Variants in PER1 observed in about 807,000 individuals in gnomAD.
PER1 encodes period circadian regulator 1.
Under a neutral mutation model 125.9 loss-of-function variants are expected in PER1, and 87 were observed. The observed-to-expected ratio is 0.69, with a 90% confidence interval of 0.58 to 0.83. The LOEUF (loss-of-function observed/expected upper bound fraction) is 0.83. Ranked by LOEUF, PER1 falls within the 40% of genes least tolerant of loss-of-function variation. The pLI, the probability that PER1 is intolerant of heterozygous loss-of-function variation, is 0.00. For synonymous variants in PER1, 801 were observed against 714.7 expected (o/e 1.12, Z -1.93); for missense variants, 1,775 against 1,722.8 (o/e 1.03, Z -0.54).
In PER1 at chr17:8,144,774, G is replaced by C; in HGVS notation, c.2438C>G (p.Ala813Gly). The change falls in exon 18 of 23, where the codon GCT becomes GGT. Residue 813 changes from alanine to glycine, a missense_variant. Coordinates refer to ENST00000317276, the MANE Select transcript of PER1 (RefSeq NM_002616.3). The part of the protein sequence containing the change: ...RLRGLDSSST[A>G]PSALGERGCH... ...ACCTCGCTCGCCAAGGGCTGAGGGA[G>C]CTGTGGAAGAGCTGTCGAGTCCACG... 1 of 1,579,484 alleles carries C rather than the reference G, an allele frequency of 6.3e-7. No individual in the cohort carries two copies. Among genetic ancestry groups the C allele is most frequent in the Non-Finnish European group, 8.6e-7 (1 of 1,163,586 alleles).
At chr17:8,151,576 C>T (rs1365458996) in intron 1 of PER1, among the ~76,000 whole-genome samples, 1 of 152,166 alleles carries the variant, frequency 6.6e-6, no homozygotes, top group African/African-American at 2.4e-5. Flanking sequence ...CCACTGCCCT[C>T]GGCGCAAAAG....
rs771848468 is a variant in PER1 at position 8,142,778 on chromosome 17, C to T, written c.3130G>A (p.Glu1044Lys). The T allele has an allele frequency of 9.3e-6, 15 of 1,613,246 alleles. No homozygotes were observed. The highest frequency in any genetic ancestry group is 1.0e-5 in the Non-Finnish European group (12 of 1,179,954). The change falls in exon 20 of 23, where the codon GAA (glutamate) becomes AAA (lysine). Residue 1044 changes from glutamate to lysine, a missense_variant. Glu to Lys is a moderately conservative substitution (Grantham distance 56, BLOSUM62 1). Transcript: ENST00000317276. The part of the protein sequence containing the change: ...DALSGSSDLL[E>K]LLLQEDSRSG... The stretch of plus-strand genomic sequence containing the variant: ...CGCGAGTCCTCTTGCAGCAGAAGTT[C>T]GAGCAGGTCACTGGAGCCGGAAAGT...
Position 8,148,247 on chromosome 17 carries a change from G to T in PER1, c.1061C>A (p.Pro354His). 1 of 1,613,964 alleles carries T rather than the reference G, an allele frequency of 6.2e-7. No individual in the cohort carries two copies. The highest frequency in any genetic ancestry group is 1.1e-5 in the South Asian group (1 of 91,076). Residue 354 changes from proline to histidine, a missense_variant, in exon 9 of 23, where the codon CCC (proline) becomes CAC (histidine). Coordinates refer to ENST00000317276, the MANE Select transcript of PER1 (RefSeq NM_002616.3). ...CGTAGTGAAAATCCTCTTGTCAGGG[G>T]GTATCCGGGGAGCTGAGGCACAGAG... ...IHSGYEAPRI[P>H]PDKRIFTTRH...
At chr17:8,145,089 T>C (rs762113371) in intron 17 of PER1, 96 bp from the exon 18 acceptor site, 2 of 1,281,166 alleles carry the variant, frequency 1.6e-6, no homozygotes, top group South Asian at 4.9e-5. Flanking sequence ...AGCCAACCCC[T>C]GGCAGCTCTG....
chr17:8,146,458 C>T lies in PER1; in HGVS notation c.1952G>A (p.Cys651Tyr), dbSNP rs1052043600. 1 of 1,613,802 alleles carries T rather than the reference C, an allele frequency of 6.2e-7. No homozygotes were observed. Among genetic ancestry groups the T allele is most frequent in the Non-Finnish European group, 8.5e-7 (1 of 1,179,938 alleles). The change falls in exon 16 of 23, where the codon TGT (cysteine) becomes TAT (tyrosine). Residue 651 changes from cysteine to tyrosine, a missense_variant. Cys to Tyr is a radical substitution (Grantham distance 194, BLOSUM62 -2). Coordinates refer to ENST00000317276, the MANE Select transcript of PER1 (RefSeq NM_002616.3). ...CNLPSTTKRK[C>Y]ASSSSYTTSS... is the part of the protein sequence containing the mutation. ...GGTGGTATAGGAGGAGGAGGAGGCA[C>T]ATTTACGCTTAGTGGTGCTGGGGAG... is the stretch of plus-strand genomic sequence containing the variant.
In PER1 at chr17:8,148,802, G is replaced by A. The variant is rs751159710; in HGVS notation, c.906-16C>T. 1.9e-6 allele frequency: 3 copies of A among 1,611,804 alleles called. No individual in the cohort carries two copies. The highest frequency in any genetic ancestry group is 1.7e-6 in the Non-Finnish European group (2 of 1,179,306). Reference sequence around the variant, plus strand: ...AGGACCTCCTCTAGCAAAGGAGAGAGGAGCATTAGGGACTTTCAACAGAGA... The same window carrying A: ...AGGACCTCCTCTAGCAAAGGAGAGAAGAGCATTAGGGACTTTCAACAGAGA... On this transcript the variant is annotated splice_polypyrimidine_tract_variant and intron_variant, in intron 7 of 22. Coordinates refer to ENST00000317276, the MANE Select transcript of PER1 (RefSeq NM_002616.3).
At chr17:8,149,137 C>A (rs940116666) in intron 7 of PER1, 122 bp downstream of exon 7, 10 of 894,864 alleles carry the variant, frequency 1.1e-5, no homozygotes, top group Non-Finnish European at 1.8e-5. Flanking sequence ...TGCAGTGAGC[C>A]GAGATCGTGC....
chr17:8,149,426 C>G (rs1005796993), intron 6 of PER1, 36 bp downstream of exon 6: 11 of 1,606,914 alleles, frequency 6.8e-6, no homozygotes, highest in Non-Finnish European at 9.4e-6. Flanking sequence ...TTTCCTGGGA[C>G]TGCTCATGCC....
intron 19 of PER1, 48 bp downstream of exon 19, chr17:8,143,218 C>A: frequency 9.2e-7 from 1 of 1,084,368 alleles, no homozygotes; most frequent in East Asian, 4.3e-5. Flanking sequence ...GGCAGAGGGG[C>A]GGGGCTGGGG....
chr17:8,142,167 G>C (rs1314576406), intron 21 of PER1, 102 bp downstream of exon 21: 2 of 1,134,932 alleles, frequency 1.8e-6, no homozygotes, highest in Non-Finnish European at 2.5e-6. Flanking sequence ...AAGAAAGATA[G>C]AAACGTTTAT....
rs201721170 is a variant in PER1 at position 8,146,418 on chromosome 17, G to A, written c.1992C>T (p.Asp664=). ...CTGGACCTGTCCTCTGCCTGTCGTC[G>A]TCAGAGGCTGAGGAGGTGGTATAGG... ...SSSYTTSSAS[D]DDRQRTGPVS... is the part of the protein sequence containing the mutation. The change falls in exon 16 of 23, where the codon GAC becomes GAT. Residue 664 remains aspartate (D), a synonymous_variant. Coordinates refer to ENST00000317276, the MANE Select transcript of PER1 (RefSeq NM_002616.3). 85 of 1,613,602 alleles carry A rather than the reference G, an allele frequency of 5.3e-5. No individual in the cohort carries two copies. In the East Asian group the frequency reaches 1.2e-3, roughly 22 times the overall value.
In PER1 at chr17:8,140,915, A is replaced by G; in HGVS notation, c.*153T>C. On this transcript the variant is annotated 3_prime_UTR_variant, in exon 23 of 23. Coordinates refer to ENST00000317276, the MANE Select transcript of PER1 (RefSeq NM_002616.3). ...CTAAGAGGCCAGAGGCAGCCCCTGG[A>G]TCCTAGGCTGGTGATGGGGGTCCGG... is the stretch of plus-strand genomic sequence containing the variant. The G allele has an allele frequency of 1.2e-6, 1 of 853,046 alleles. No individual in the cohort carries two copies. The highest frequency in any genetic ancestry group is 1.8e-6 in the Non-Finnish European group (1 of 546,732). The allele number at this position is 853,046 out of a possible 1,614,324, so 52.8% of individuals were successfully genotyped here. A position where few individuals can be genotyped will look rare whatever the true frequency, so the allele number is the denominator to read the frequency against.
intron 7 of PER1, chr17:8,149,053 G>GTGGC: frequency 3.2e-6 from 2 of 615,766 alleles, no homozygotes; most frequent in Non-Finnish European, 2.8e-6. Flanking sequence ...GCTGGGCGTG[G>GTGGC]TGGCGCATGC....
At chr17:8,146,536 G>A (rs377727334) in intron 15 of PER1, 34 bp from the exon 16 acceptor site, 13 of 1,605,238 alleles carry the variant, frequency 8.1e-6, no homozygotes, top group African/African-American at 6.7e-5. Flanking sequence ...CATCAGAGCA[G>A]GGCTTGGGGT....
chr17:8,147,064 G>A (rs915122790), intron 13 of PER1, 62 bp from the exon 14 acceptor site: 6 of 1,479,890 alleles, frequency 4.1e-6, no homozygotes, highest in South Asian at 3.5e-5. Flanking sequence ...AGGGGCCAAG[G>A]GCACAATAAA....
rs187547175 is a variant in PER1 at position 8,151,558 on chromosome 17, C to T, written c.-139-713G>A. Among the ~76,000 whole-genome samples, 828 of 152,232 alleles carry T rather than the reference C, an allele frequency of 5.4e-3. 3 individuals are homozygous for T. The highest frequency in any genetic ancestry group is 0.019 in the African/African-American group (776 of 41,534). On this transcript the variant is annotated intron_variant, in intron 1 of 22. Coordinates refer to ENST00000317276, the MANE Select transcript of PER1 (RefSeq NM_002616.3). ...TGGTCCTGGCTTCCCCAGGACGAAG[C>T]ACAACGGCCACTGCCCTCGGCGCAA...
intron 2 of PER1, 51 bp from the exon 3 acceptor site, chr17:8,150,368 CT>C: frequency 6.4e-7 from 1 of 1,557,386 alleles, no homozygotes; most frequent in Non-Finnish European, 8.7e-7. Flanking sequence ...AGTGCGAGGC[CT>C]GTCACCCAGC....
rs774419227 is a variant in PER1, at chr17:8,142,850, G to A, written c.3073-15C>T. 3 of 1,576,272 alleles carry A rather than the reference G, an allele frequency of 1.9e-6. No homozygotes were observed. The highest frequency in any genetic ancestry group is 2.3e-5 in the South Asian group (2 of 88,466). On this transcript the variant is annotated splice_polypyrimidine_tract_variant and intron_variant, in intron 19 of 22. Coordinates refer to ENST00000317276, the MANE Select transcript of PER1 (RefSeq NM_002616.3). ...GTGACCTCCGCCTGGAGGAGGGGAGGGGGGCAAGGAGGGATGGAGGGGTCA... is the reference window on the plus strand; with the variant it reads ...GTGACCTCCGCCTGGAGGAGGGGAGAGGGGCAAGGAGGGATGGAGGGGTCA...
At chr17:8,151,328 C>G (rs964750001) in intron 1 of PER1, among the ~76,000 whole-genome samples, 2 of 152,242 alleles carry the variant, frequency 1.3e-5, no homozygotes, top group African/African-American at 4.8e-5. Flanking sequence ...AAACCGACGT[C>G]AGCTGCTGAG....
Sources: allele counts gnomAD v4.1 joint callset (sites outside exome capture counted in the v4.1 genomes callset), GRCh38; gene constraint gnomAD v4.1.1; transcripts MANE v1.5; gene names NCBI Gene and HGNC (gene_info 2026-07-23, HGNC 2026-07-21).